RFC3: variants seen among roughly 807,000 people sequenced by gnomAD.
RFC3 encodes the protein A1 38 kDa subunit.
In RFC3, 41 loss-of-function variants were observed where a neutral mutation model predicts 45.1. The observed-to-expected ratio is 0.91, with a 90% confidence interval of 0.71 to 1.18. The LOEUF (loss-of-function observed/expected upper bound fraction) is 1.18. Among genes scored for constraint, RFC3 ranks in the 50% most tolerant of loss-of-function variants. RFC3 has a pLI of 0.00. For missense variants in RFC3, 423 were observed against 428.1 expected (o/e 0.99, Z 0.10); for synonymous variants, 149 against 144.0 (o/e 1.03, Z -0.25).
intron 8 of RFC3, among the ~76,000 whole-genome samples, chr13:33,862,798 T>C (rs1042344231): frequency 6.6e-6 from 1 of 152,162 alleles, no homozygotes; most frequent in Non-Finnish European, 1.5e-5. Context: ...TCCCAAATTA[T>C]ACAAGGAGAA....
intron 8 of RFC3, among the ~76,000 whole-genome samples, chr13:33,922,129 T>G (rs2137736616): frequency 6.6e-6 from 1 of 151,844 alleles, no homozygotes; most frequent in African/African-American, 2.4e-5. Context: ...AGAGTAATCT[T>G]TAGAAGCCTC....
chr13:33,881,950 C>A (rs2082487650), intron 8 of RFC3, among the ~76,000 whole-genome samples: 1 of 152,180 alleles, frequency 6.6e-6, no homozygotes, highest in Admixed American at 6.5e-5. Context: ...GAGCTCAAAT[C>A]TCAGTTTGGC....
intron 8 of RFC3, among the ~76,000 whole-genome samples, chr13:33,928,220 T>A (rs2137760647): frequency 6.6e-6 from 1 of 152,044 alleles, no homozygotes; most frequent in East Asian, 1.9e-4. Context: ...CAAGATTGAG[T>A]AGGTATCCAA....
chr13:33,924,932 A>G (rs192602129), intron 8 of RFC3, among the ~76,000 whole-genome samples: 5 of 150,732 alleles, frequency 3.3e-5, no homozygotes, highest in African/African-American at 1.2e-4. Context: ...CAAAAAAATA[A>G]CTAGGTGAGA....
In RFC3 at chr13:33,830,794, G is replaced by C; in HGVS notation, c.649G>C (p.Glu217Gln). The change falls in exon 6 of 9, where the codon GAG (glutamate) becomes CAG (glutamine). Residue 217 changes from glutamate to glutamine, a missense_variant. Transcript: ENST00000380071. Reference sequence around the variant, plus strand: ...TTCACAACTGGCTCATAGACTTGCAGAGAAGTCTTGTAGAAATCTCAGAAA... The same window carrying C: ...TTCACAACTGGCTCATAGACTTGCACAGAAGTCTTGTAGAAATCTCAGAAA... ...LPSQLAHRLA[E>Q]KSCRNLRKAL... 6.2e-7 allele frequency: 1 copy of C among 1,612,752 alleles called. No homozygotes were observed. The highest frequency in any genetic ancestry group is 8.5e-7 in the Non-Finnish European group (1 of 1,178,782).
chr13:33,957,794 A>G (rs923394154), intron 8 of RFC3, among the ~76,000 whole-genome samples: 6 of 152,084 alleles, frequency 3.9e-5, no homozygotes, highest in African/African-American at 1.2e-4. Flanking sequence ...GAGGAGGGCA[A>G]TCCCTCAAAG....
rs185532281 is a variant in RFC3 at position 33,947,528 on chromosome 13, G to A, written c.880-18559G>A. ...TAATGATACTCAAAAATGTTGAAGC[G>A]ACTCTGGAACTGGGCAACAGGCAGA... On this transcript the variant is annotated intron_variant, in intron 8 of 8. Coordinates refer to the RFC3 transcript ENST00000434425. Among the ~76,000 whole-genome samples, 410 of 152,258 alleles carry A rather than the reference G, an allele frequency of 2.7e-3. 1 individual carries two copies. Among genetic ancestry groups the A allele is most frequent in the African/African-American group, 9.3e-3 (386 of 41,550 alleles).
chr13:33,943,675 A>G (rs2082938171), intron 8 of RFC3, among the ~76,000 whole-genome samples: 2 of 152,316 alleles, frequency 1.3e-5, no homozygotes, highest in South Asian at 2.1e-4. Context: ...TTAGGCTTGT[A>G]GTCCTCTTCC....
At chr13:33,926,704 AGAAATAAAGTTAC>A (rs1201584680) in intron 8 of RFC3, among the ~76,000 whole-genome samples, 1 of 151,688 alleles carries the variant, frequency 6.6e-6, no homozygotes, top group Non-Finnish European at 1.5e-5. Flanking sequence ...ACCATATGAA[AGAAATAAAGTTAC>A]TTTTGGGGAA....
chr13:33,945,665 G>A (rs1439138650), intron 8 of RFC3, among the ~76,000 whole-genome samples: 5 of 152,200 alleles, frequency 3.3e-5, no homozygotes, highest in African/African-American at 9.7e-5. Flanking sequence ...AGAGAGATTG[G>A]CAAATGATAA....
intron 8 of RFC3, among the ~76,000 whole-genome samples, chr13:33,920,420 CTTTTT>C (rs777079510): frequency 9.6e-5 from 8 of 83,164 alleles, no homozygotes; most frequent in Admixed American, 2.9e-4. Flanking sequence ...TACAACCACA[CTTTTT>C]TTTTTTTTTT....
intron 8 of RFC3, among the ~76,000 whole-genome samples, chr13:33,889,664 T>A (rs2082551328): frequency 6.6e-6 from 1 of 152,202 alleles, no homozygotes. Flanking sequence ...TTTTCTTCCT[T>A]GCTGACTATA....
chr13:33,912,974 C>T (rs139448087), intron 8 of RFC3, among the ~76,000 whole-genome samples: 6 of 152,182 alleles, frequency 3.9e-5, no homozygotes, highest in Middle Eastern at 3.4e-3. Flanking sequence ...CTGAATCTAT[C>T]TGTCTCTGCT....
chr13:33,915,051 A>G (rs1007805158), intron 8 of RFC3, among the ~76,000 whole-genome samples: 11 of 152,138 alleles, frequency 7.2e-5, no homozygotes, highest in Admixed American at 5.9e-4. Context: ...CCAAACACCA[A>G]ATAAAAAGCC....
chr13:33,835,242 T>A (rs1164549695), intron 8 of RFC3, 25 bp downstream of exon 8: 2 of 1,503,208 alleles, frequency 1.3e-6, no homozygotes, highest in Admixed American at 3.3e-5. Flanking sequence ...GATCTTGAAC[T>A]TTTTACAGCT....
downstream of RFC3, among the ~76,000 whole-genome samples, chr13:33,837,955 A>G (rs1018058029): frequency 9.2e-5 from 14 of 151,838 alleles, no homozygotes; most frequent in African/African-American, 1.9e-4. Context: ...TTTTTAACCA[A>G]TGGATTACTT....
chr13:33,830,851 C>T lies in RFC3; in HGVS notation c.706C>T (p.Gln236Ter). Reference protein sequence around the residue: ...ALLMCEACRVQQYPFTADQEI... With the variant: ...ALLMCEACRV Reference sequence around the variant, plus strand: ...GCTTATGTGTGAAGCCTGCAGAGTGCAACAGTGAGTGGAAGGGGTAGTTAC... The same window carrying T: ...GCTTATGTGTGAAGCCTGCAGAGTGTAACAGTGAGTGGAAGGGGTAGTTAC... Residue 236 changes from glutamine (Q) to a stop codon, truncating the protein, a stop_gained, in exon 6 of 9, where the codon CAA (glutamine) becomes TAA (stop). Transcript: ENST00000380071. LOFTEE classifies it high-confidence loss of function. 3 of 1,611,372 alleles carry T rather than the reference C, an allele frequency of 1.9e-6. No individual in the cohort carries two copies. Among genetic ancestry groups the T allele is most frequent in the Non-Finnish European group, 2.5e-6 (3 of 1,179,142 alleles).
Position 33,928,836 on chromosome 13 carries a change from G to C in RFC3, c.880-37251G>C, listed in dbSNP as rs969711796. On this transcript the variant is annotated intron_variant, in intron 8 of 8. Transcript: ENST00000434425. ...TTTGAATGAAGAGAACCAATGTCTG[G>C]GGGGGGAAGTGAAAACTATCTGAAA... 2.6e-5 allele frequency among the ~76,000 whole-genome samples: 4 copies of C among 151,420 alleles called. No individual in the cohort carries two copies. In the South Asian group the frequency reaches 6.2e-4, roughly 24 times the overall value.
At chr13:33,866,057 T>C (rs886658462) in intron 8 of RFC3, among the ~76,000 whole-genome samples, 1 of 152,034 alleles carries the variant, frequency 6.6e-6, no homozygotes, top group Non-Finnish European at 1.5e-5. Flanking sequence ...AGACTCCATC[T>C]CAAAAAAAAC....
Sources: allele counts gnomAD v4.1 joint callset (sites outside exome capture counted in the v4.1 genomes callset), GRCh38; gene constraint gnomAD v4.1.1; transcripts MANE v1.5; gene names NCBI Gene and HGNC (gene_info 2026-07-23, HGNC 2026-07-21).